The following TAFA5 variants were observed in gnomAD, a reference collection of about 807,000 sequenced individuals.
TAFA5 encodes the protein chemokine-like protein TAFA-5.
Under a neutral mutation model 15.3 loss-of-function variants are expected in TAFA5, and 6 were observed. The ratio of observed to expected loss-of-function variants is 0.39; its 90% CI spans 0.21 to 0.77. The LOEUF is 0.77. TAFA5 is among the 30% of genes least tolerant of loss of function. The probability of loss-of-function intolerance (pLI) is 0.41; values close to 1 mark genes in which losing one functional copy is unlikely to be tolerated. For synonymous variants in TAFA5, 103 were observed against 80.7 expected (o/e 1.28, Z -1.48); for missense variants, 161 against 193.1 (o/e 0.83, Z 0.98).
intron 2 of TAFA5, among the ~76,000 whole-genome samples, chr22:48,650,220 C>CT (rs1927004256): frequency 1.3e-5 from 2 of 152,226 alleles, no homozygotes; most frequent in African/African-American, 4.8e-5. Context: ...GAGGCACTTG[C>CT]TGCCCCTACC....
At chr22:48,706,821 C>T (rs576466714) in intron 2 of TAFA5, among the ~76,000 whole-genome samples, 11 of 152,268 alleles carry the variant, frequency 7.2e-5, no homozygotes, top group African/African-American at 2.6e-4. Flanking sequence ...TTGAGATTCC[C>T]GCAGCGAAGG....
intron 2 of TAFA5, among the ~76,000 whole-genome samples, chr22:48,655,836 T>TTTG (rs199826345): frequency 0.011 from 1,253 of 113,448 alleles, 66 homozygotes; most frequent in Non-Finnish European, 0.018. Flanking sequence ...GATTCTTTTT[T>TTTG]TTTTTTTTTT....
chr22:48,576,911 C>T (rs1299816366), intron 1 of TAFA5, among the ~76,000 whole-genome samples: 1 of 152,040 alleles, frequency 6.6e-6, no homozygotes, highest in Non-Finnish European at 1.5e-5. Flanking sequence ...GCGGCGCCCG[C>T]CCGCACGCCG....
intron 1 of TAFA5, among the ~76,000 whole-genome samples, chr22:48,643,057 C>T (rs1237474728): frequency 6.6e-6 from 1 of 152,190 alleles, no homozygotes; most frequent in Non-Finnish European, 1.5e-5. Context: ...CCTGGCCTGG[C>T]AGAGCCCATC....
At chr22:48,534,305 A>G (rs953641180) in intron 1 of TAFA5, among the ~76,000 whole-genome samples, 1 of 151,058 alleles carries the variant, frequency 6.6e-6, no homozygotes, top group African/African-American at 2.4e-5. Context: ...AGGTGAGGGG[A>G]GTCAGGCAGA....
intron 1 of TAFA5, among the ~76,000 whole-genome samples, chr22:48,599,772 A>G (rs1479044004): frequency 6.6e-6 from 1 of 152,200 alleles, no homozygotes; most frequent in Non-Finnish European, 1.5e-5. Context: ...CCGATGTTTG[A>G]GGCAGATCAT....
chr22:48,602,972 C>G (rs1925030018), intron 1 of TAFA5, among the ~76,000 whole-genome samples: 2 of 152,282 alleles, frequency 1.3e-5, no homozygotes, highest in South Asian at 4.1e-4. Context: ...CCTGCTCTAC[C>G]AATGCCTCCT....
intron 3 of TAFA5, among the ~76,000 whole-genome samples, chr22:48,732,232 C>A (rs75555761): frequency 0.045 from 6,765 of 149,402 alleles, 400 homozygotes; most frequent in African/African-American, 0.14. Context: ...TGGGGATAAG[C>A]AATGAAAGTG....
At chr22:48,690,590 A>G (rs1928508823) in intron 2 of TAFA5, among the ~76,000 whole-genome samples, 2 of 152,008 alleles carry the variant, frequency 1.3e-5, no homozygotes, top group African/African-American at 4.8e-5. Context: ...CTGTGCTGTC[A>G]CCCTCTTATC....
chr22:48,628,599 A>G (rs894358662), intron 1 of TAFA5, among the ~76,000 whole-genome samples: 3 of 152,056 alleles, frequency 2.0e-5, no homozygotes, highest in Non-Finnish European at 4.4e-5. Context: ...CCTCCAGGAG[A>G]GGCGATGCTT....
chr22:48,582,599 C>T (rs542385605), intron 1 of TAFA5, among the ~76,000 whole-genome samples: 1 of 150,806 alleles, frequency 6.6e-6, no homozygotes, highest in East Asian at 2.0e-4. Flanking sequence ...ACACAAAATA[C>T]ACCACACGCC....
intron 2 of TAFA5, among the ~76,000 whole-genome samples, chr22:48,692,288 G>A (rs1928567981): frequency 6.6e-6 from 1 of 152,204 alleles, no homozygotes; most frequent in African/African-American, 2.4e-5. Context: ...AGAGTCAGGG[G>A]TCCGCTGCAG....
intron 3 of TAFA5, among the ~76,000 whole-genome samples, chr22:48,733,465 TC>T (rs1311896338): frequency 6.6e-6 from 1 of 152,218 alleles, no homozygotes; most frequent in African/African-American, 2.4e-5. Flanking sequence ...AATGGAACCT[TC>T]AGGGGAGTCC....
chr22:48,674,739 G>C (rs1050331210), intron 2 of TAFA5, among the ~76,000 whole-genome samples: 1 of 152,148 alleles, frequency 6.6e-6, no homozygotes, highest in African/African-American at 2.4e-5. Context: ...ACCTTAGCTT[G>C]CCCGTTGGGT....
intron 2 of TAFA5, among the ~76,000 whole-genome samples, chr22:48,677,069 G>C (rs563915505): frequency 2.0e-5 from 3 of 152,252 alleles, no homozygotes; most frequent in Non-Finnish European, 4.4e-5. Context: ...CCACCCCAGA[G>C]CCACCCATAT....
intron 1 of TAFA5, among the ~76,000 whole-genome samples, chr22:48,495,080 G>A (rs556145940): frequency 2.0e-5 from 3 of 152,306 alleles, no homozygotes; most frequent in African/African-American, 7.2e-5. Flanking sequence ...TGGCAGCCCC[G>A]CAGTGATTCT....
chr22:48,563,593 A>G (rs1408329365), intron 1 of TAFA5, among the ~76,000 whole-genome samples: 1 of 152,212 alleles, frequency 6.6e-6, no homozygotes, highest in Non-Finnish European at 1.5e-5. Flanking sequence ...CCGGGCAGGC[A>G]TGGGTCCTGG....
chr22:48,630,463 G>A, intron 1 of TAFA5, among the ~76,000 whole-genome samples: 1 of 152,104 alleles, frequency 6.6e-6, no homozygotes, highest in East Asian at 1.9e-4. Context: ...CATTGCCTTT[G>A]TTGAGTCGTC....
rs756304620 is a variant in TAFA5, at chr22:48,536,915, C to T, written c.112+47211C>T. 3.3e-5 allele frequency among the ~76,000 whole-genome samples: 5 copies of T among 152,186 alleles called. No individual in the cohort carries two copies. In the South Asian group the frequency reaches 8.3e-4, roughly 25 times the overall value. ...CCTGGCACTGGCTGGGCGATGGCAG[C>T]GGGGCCTGGCTGGGCTGCAGCTGGC... On this transcript the variant is annotated intron_variant, in intron 1 of 3. Transcript: ENST00000402357.
Sources: gnomAD v4.1 joint callset for allele counts (sites outside exome capture counted in the v4.1 genomes callset) on GRCh38, gnomAD v4.1.1 for gene constraint, MANE v1.5 for transcripts, NCBI Gene and HGNC (gene_info 2026-07-23, HGNC 2026-07-21) for gene names.